NELL1: variants seen among roughly 807,000 people sequenced by gnomAD.
NELL1 encodes the protein protein kinase C-binding protein NELL1.
A neutral mutation model predicts 107.4 loss-of-function variants in NELL1; 76 were observed. The ratio of observed to expected loss-of-function variants is 0.71; its 90% CI spans 0.59 to 0.86. The LOEUF (loss-of-function observed/expected upper bound fraction) is 0.86, where lower values mean the gene tolerates loss of function less well. NELL1 is among the 40% of genes least tolerant of loss of function. The pLI, the probability that NELL1 is intolerant of heterozygous loss-of-function variation, is 0.00. For synonymous variants in NELL1, 353 were observed against 341.2 expected (o/e 1.03, Z -0.38); for missense variants, 1,024 against 1,005.5 (o/e 1.02, Z -0.25).
chr11:21,037,113 C>T lies in NELL1; in HGVS notation c.1301-76476C>T, dbSNP rs72941912. Reference sequence around the variant, plus strand: ...CAGTACTGTTTAATAGAAATTTCCACGGTGATGAAAATGTTTTATATCTTC... The same window carrying T: ...CAGTACTGTTTAATAGAAATTTCCATGGTGATGAAAATGTTTTATATCTTC... On this transcript the variant is annotated intron_variant, in intron 12 of 19. Coordinates refer to ENST00000357134, the MANE Select transcript of NELL1 (RefSeq NM_006157.5). Among the ~76,000 whole-genome samples the T allele has an allele frequency of 3.8e-3, 572 of 152,050 alleles. 2 individuals carry two copies. Among genetic ancestry groups the T allele is most frequent in the Middle Eastern group, 0.01 (3 of 294 alleles).
intron 2 of NELL1, among the ~76,000 whole-genome samples, chr11:20,734,080 C>T (rs543513196): frequency 1.3e-5 from 2 of 152,080 alleles, no homozygotes; most frequent in South Asian, 4.1e-4. Context: ...ATGGAAGAAG[C>T]CATTTCCTAC....
chr11:21,502,862 A>G (rs1424208290), intron 15 of NELL1, among the ~76,000 whole-genome samples: 1 of 152,030 alleles, frequency 6.6e-6, no homozygotes, highest in Non-Finnish European at 1.5e-5. Flanking sequence ...TATCTTTTTT[A>G]TTTTTTAAAA....
At chr11:21,216,240 A>G (rs1256806550) in intron 13 of NELL1, among the ~76,000 whole-genome samples, 1 of 152,172 alleles carries the variant, frequency 6.6e-6, no homozygotes, top group Non-Finnish European at 1.5e-5. Flanking sequence ...TTCAGAGGAT[A>G]TATGGAAATG....
intron 12 of NELL1, among the ~76,000 whole-genome samples, chr11:21,018,846 G>A (rs796192039): frequency 6.6e-6 from 1 of 152,232 alleles, no homozygotes; most frequent in African/African-American, 2.4e-5. Flanking sequence ...ATGCTATGTG[G>A]CAGGATCCTT....
At chr11:20,889,940 A>G (rs1564952158) in intron 5 of NELL1, among the ~76,000 whole-genome samples, 1 of 152,180 alleles carries the variant, frequency 6.6e-6, no homozygotes, top group Non-Finnish European at 1.5e-5. Context: ...AATTCTGAAG[A>G]ATCCGGGCAG....
At chr11:20,739,799 G>A (rs1855846731) in intron 2 of NELL1, among the ~76,000 whole-genome samples, 1 of 152,158 alleles carries the variant, frequency 6.6e-6, no homozygotes, top group Non-Finnish European at 1.5e-5. Context: ...GTAGGGGGTA[G>A]CATGAGAAAG....
At chr11:20,675,483 G>C (rs948182698) in intron 1 of NELL1, among the ~76,000 whole-genome samples, 2 of 152,142 alleles carry the variant, frequency 1.3e-5, no homozygotes, top group Non-Finnish European at 2.9e-5. Context: ...CTTAAGTTGA[G>C]AGCCTGCCTG....
At chr11:21,464,453 G>A (rs889912963) in intron 15 of NELL1, among the ~76,000 whole-genome samples, 9 of 151,088 alleles carry the variant, frequency 6.0e-5, no homozygotes, top group Admixed American at 1.3e-4. Context: ...CAGTTGAGGA[G>A]GCTCAGGAAA....
At chr11:21,123,366 T>TGTGTGTGC (rs1554970390) in intron 13 of NELL1, among the ~76,000 whole-genome samples, 51 of 148,550 alleles carry the variant, frequency 3.4e-4, no homozygotes, top group Middle Eastern at 7.1e-3. Context: ...TGTGTGTGTG[T>TGTGTGTGC]GCGTTTCCAT....
intron 4 of NELL1, among the ~76,000 whole-genome samples, chr11:20,884,285 C>A (rs764160887): frequency 2.0e-5 from 3 of 152,236 alleles, no homozygotes; most frequent in Non-Finnish European, 4.4e-5. Context: ...CTTGTGAGAA[C>A]CACCGGAGGA....
chr11:20,907,090 C>G (rs997065509), intron 5 of NELL1, among the ~76,000 whole-genome samples: 2 of 151,918 alleles, frequency 1.3e-5, no homozygotes, highest in Admixed American at 6.6e-5. Flanking sequence ...GTTAGACCCC[C>G]TACTTCACAC....
chr11:21,204,593 C>T (rs544942379), intron 13 of NELL1, among the ~76,000 whole-genome samples: 1 of 151,894 alleles, frequency 6.6e-6, no homozygotes, highest in Non-Finnish European at 1.5e-5. Flanking sequence ...TATTATCCAC[C>T]TTCTGAAGCC....
chr11:20,765,236 A>G (rs188901357), intron 2 of NELL1, among the ~76,000 whole-genome samples: 1 of 152,354 alleles, frequency 6.6e-6, no homozygotes, highest in Non-Finnish European at 1.5e-5. Context: ...TTGTACTTGC[A>G]TGGTAGGTTT....
intron 11 of NELL1, among the ~76,000 whole-genome samples, chr11:20,959,202 C>A (rs189501544): frequency 1.1e-3 from 173 of 152,278 alleles, no homozygotes; most frequent in African/African-American, 2.6e-3. Context: ...ACAGGGAGCA[C>A]TTCTTCACTG....
At chr11:21,284,544 G>T in intron 14 of NELL1, 1 of 458,734 alleles carries the variant, frequency 2.2e-6, no homozygotes, top group Non-Finnish European at 4.4e-6. Flanking sequence ...AGACATGATT[G>T]TGGAGAATGC....
chr11:20,739,645 A>T (rs997442728), intron 2 of NELL1, among the ~76,000 whole-genome samples: 1 of 152,210 alleles, frequency 6.6e-6, no homozygotes, highest in Admixed American at 6.5e-5. Flanking sequence ...AGTGACCTGC[A>T]ATGGGATTTG....
intron 13 of NELL1, among the ~76,000 whole-genome samples, chr11:21,161,155 C>A (rs921971184): frequency 6.6e-6 from 1 of 152,078 alleles, no homozygotes; most frequent in African/African-American, 2.4e-5. Flanking sequence ...TTCCACTCTG[C>A]TTTCTGACCC....
At chr11:21,346,308 C>T (rs1470342243) in intron 14 of NELL1, among the ~76,000 whole-genome samples, 6 of 151,930 alleles carry the variant, frequency 3.9e-5, no homozygotes, top group African/African-American at 1.5e-4. Context: ...TCCATTGAAT[C>T]AAGAGTACTT....
At chr11:21,277,619 A>C (rs1319709766) in intron 14 of NELL1, among the ~76,000 whole-genome samples, 1 of 152,350 alleles carries the variant, frequency 6.6e-6, no homozygotes, top group East Asian at 1.9e-4. Context: ...TTGCGGCACT[A>C]TTCATAATAG....
Sources: gnomAD v4.1 joint callset for allele counts (sites outside exome capture counted in the v4.1 genomes callset) on GRCh38, gnomAD v4.1.1 for gene constraint, MANE v1.5 for transcripts, NCBI Gene and HGNC (gene_info 2026-07-23, HGNC 2026-07-21) for gene names.